SPSB1: variants seen among roughly 807,000 people sequenced by gnomAD.
SPSB1 encodes splA/ryanodine receptor domain and SOCS box containing 1.
A neutral mutation model predicts 21.2 loss-of-function variants in SPSB1; 8 were observed. The ratio of observed to expected loss-of-function variants is 0.38; its 90% CI spans 0.22 to 0.68. SPSB1 has a LOEUF of 0.68. SPSB1 is among the 30% of genes least tolerant of loss of function. SPSB1 has a pLI of 0.53. For synonymous variants in SPSB1, 169 were observed against 161.7 expected, an observed-to-expected ratio of 1.05 and a Z score of -0.34; for missense variants, 242 against 377.8, an observed-to-expected ratio of 0.64 and a Z score of 2.98.
intron 1 of SPSB1, among the ~76,000 whole-genome samples, chr1:9,316,784 G>A (rs1639624309): frequency 6.6e-6 from 1 of 152,246 alleles, no homozygotes; most frequent in Non-Finnish European, 1.5e-5. Context: ...GGGGGCCGCA[G>A]CAGCTTCGAG....
At chr1:9,340,784 C>T (rs951311075) in intron 1 of SPSB1, among the ~76,000 whole-genome samples, 5 of 152,264 alleles carry the variant, frequency 3.3e-5, no homozygotes, top group African/African-American at 1.2e-4. Flanking sequence ...GAAAGTCCAG[C>T]TTGCAGAGGA....
chr1:9,362,974 C>T (rs376347816), intron 2 of SPSB1, among the ~76,000 whole-genome samples: 39 of 152,338 alleles, frequency 2.6e-4, no homozygotes, highest in African/African-American at 5.8e-4. Flanking sequence ...CCCACCCCCT[C>T]GGTAGATTTC....
intron 1 of SPSB1, among the ~76,000 whole-genome samples, chr1:9,342,089 C>G (rs114134468): frequency 3.0e-4 from 46 of 152,318 alleles, no homozygotes; most frequent in Middle Eastern, 3.4e-3. Context: ...TCATTCTAAC[C>G]TGTCTTAGGG....
chr1:9,335,194 C>T (rs1301743045), intron 1 of SPSB1, among the ~76,000 whole-genome samples: 2 of 152,066 alleles, frequency 1.3e-5, no homozygotes, highest in Non-Finnish European at 2.9e-5. Flanking sequence ...TTTAAGGTAT[C>T]TTTGTGCCTC....
At chr1:9,353,136 GGT>G (rs1640294834) in intron 1 of SPSB1, among the ~76,000 whole-genome samples, 1 of 152,046 alleles carries the variant, frequency 6.6e-6, no homozygotes, top group South Asian at 2.1e-4. Flanking sequence ...CAGATGGGAG[GGT>G]GGTACTCTGC....
At position 9,321,152 on chromosome 1, in the gene SPSB1, A is replaced by G. The variant is rs1008678; in HGVS notation, c.-150+28081A>G. On this transcript the variant is annotated intron_variant, in intron 1 of 2. Transcript: ENST00000328089. The surrounding 1 kb of genome is among the most constrained non-coding windows in gnomAD (Gnocchi z 4.8). ...AACAACAACCAAAAAATCCCCCCAA[A>G]ACACAAAGCTGGAAAAAGCTCTTAA... Among the ~76,000 whole-genome samples, 1,168 of 150,236 alleles carry G rather than the reference A, an allele frequency of 7.8e-3. 8 individuals carry two copies. The highest frequency in any genetic ancestry group is 0.027 in the African/African-American group (1,113 of 41,022).
chr1:9,309,301 A>AGAGAGAGAGTGT (rs1245605413), intron 1 of SPSB1, among the ~76,000 whole-genome samples: 2 of 133,230 alleles, frequency 1.5e-5, no homozygotes, highest in African/African-American at 6.0e-5. Context: ...AGAGAGAGAG[A>AGAGAGAGAGTGT]GTGTGTGTGT....
chr1:9,315,146 C>T (rs522526), intron 1 of SPSB1, among the ~76,000 whole-genome samples: 110,352 of 152,104 alleles, frequency 0.73, 41,067 homozygotes, highest in African/African-American at 0.86. Context: ...AGAAGCTCAG[C>T]GGGGCTGGGA....
intron 1 of SPSB1, among the ~76,000 whole-genome samples, chr1:9,295,049 C>T (rs1639194656): frequency 6.6e-6 from 1 of 152,204 alleles, no homozygotes; most frequent in Non-Finnish European, 1.5e-5. Context: ...CTCTTGGTTA[C>T]TGTCCCCAGC....
chr1:9,327,358 A>T (rs1241436081), intron 1 of SPSB1, among the ~76,000 whole-genome samples: 1 of 152,248 alleles, frequency 6.6e-6, no homozygotes, highest in Non-Finnish European at 1.5e-5. Flanking sequence ...TGGCAGATAC[A>T]TGCTTAAAAG....
intron 1 of SPSB1, among the ~76,000 whole-genome samples, chr1:9,307,386 T>C (rs1003431014): frequency 6.6e-6 from 1 of 152,184 alleles, no homozygotes; most frequent in Admixed American, 6.5e-5. Context: ...CCATCCACAT[T>C]CGGCGTCACC....
intron 1 of SPSB1, among the ~76,000 whole-genome samples, chr1:9,347,995 A>G (rs577087225): frequency 2.5e-3 from 357 of 144,290 alleles, no homozygotes; most frequent in Middle Eastern, 0.011. Context: ...CCCAGGTTCG[A>G]GTGCAGTGGT....
In SPSB1 at chr1:9,367,428, C is replaced by T. The variant is rs201185309; in HGVS notation, c.695-20C>T. Reference sequence around the variant, plus strand: ...CACCCACCCAAGCTGCGCTGACCTGCAGTTTCTCTGTCTCCCCAGCCGAGC... The same window carrying T: ...CACCCACCCAAGCTGCGCTGACCTGTAGTTTCTCTGTCTCCCCAGCCGAGC... On this transcript the variant is annotated intron_variant, in intron 2 of 2. Coordinates refer to ENST00000328089, the MANE Select transcript of SPSB1 (RefSeq NM_025106.4). The surrounding 1 kb of genome is among the most constrained non-coding windows in gnomAD (Gnocchi z 5.9). 5.5e-4 allele frequency: 893 copies of T among 1,613,122 alleles called. 1 individual carries two copies. The African/African-American group carries it at 0.01, about 19-fold the overall frequency.
chr1:9,306,116 C>T (rs1234117860), intron 1 of SPSB1, among the ~76,000 whole-genome samples: 1 of 152,198 alleles, frequency 6.6e-6, no homozygotes, highest in Admixed American at 6.5e-5. Context: ...GGAACCGAGA[C>T]ATGGGGGTTG....
chr1:9,361,198 A>T (rs1202030127), intron 2 of SPSB1, among the ~76,000 whole-genome samples: 1 of 79,552 alleles, frequency 1.3e-5, no homozygotes, highest in African/African-American at 6.0e-5. Context: ...ATGGGGTCTC[A>T]CTATGTTGCC....
intron 1 of SPSB1, among the ~76,000 whole-genome samples, chr1:9,302,394 A>G (rs1382141803): frequency 6.6e-6 from 1 of 152,076 alleles, no homozygotes; most frequent in Non-Finnish European, 1.5e-5. Context: ...GCTGCCCCAG[A>G]TGTGTCTGTG....
chr1:9,293,988 GTC>G lies in SPSB1; in HGVS notation c.-150+919_-150+920del, dbSNP rs1232939255. Among the ~76,000 whole-genome samples the G allele has an allele frequency of 1.3e-5, 2 of 151,816 alleles. No individual in the cohort carries two copies. The highest frequency in any genetic ancestry group is 1.3e-4 in the Admixed American group (2 of 15,264). On this transcript the variant is annotated intron_variant, in intron 1 of 2. Transcript: ENST00000328089. This position sits in a 1 kb window ranked among gnomAD's most constrained non-coding sequence, Gnocchi z 5.1. ...TATGTGCCTCTGAGTGTGTGTGTGA[GTC>G]TGTGTGTCTGTCAATGTGTGCCTGA...
chr1:9,339,861 A>G (rs1305048269), intron 1 of SPSB1, among the ~76,000 whole-genome samples: 1 of 152,200 alleles, frequency 6.6e-6, no homozygotes, highest in Non-Finnish European at 1.5e-5. Context: ...TCCGTGGCAC[A>G]GGTCGGCCTC....
Position 9,320,571 on chromosome 1 carries a change from C to T in SPSB1, c.-150+27500C>T, listed in dbSNP as rs1387195467. On this transcript the variant is annotated intron_variant, in intron 1 of 2. Transcript: ENST00000328089. ...CGTGCATCTAAGTTGTTCCTTGATA[C>T]ACAGAGGAAGCACGCAGCCCTCTCT... is the stretch of plus-strand genomic sequence containing the variant. Among the ~76,000 whole-genome samples the T allele has an allele frequency of 2.6e-5, 4 of 152,340 alleles. 1 individual carries two copies. Among genetic ancestry groups the T allele is most frequent in the Admixed American group, 2.6e-4 (4 of 15,304 alleles).
Sources: gnomAD v4.1 joint callset for allele counts (sites outside exome capture counted in the v4.1 genomes callset) on GRCh38, gnomAD v4.1.1 for gene constraint, Gnocchi (gnomAD v3.1) non-coding constraint, MANE v1.5 for transcripts, NCBI Gene and HGNC (gene_info 2026-07-23, HGNC 2026-07-21) for gene names.